The following FSD1L variants were observed in gnomAD, a reference collection of about 807,000 sequenced individuals.
The protein encoded by FSD1L is FSD1-like protein.
A neutral mutation model predicts 71.6 loss-of-function variants in FSD1L; 45 were observed. That is an observed-to-expected ratio of 0.63 (90% CI 0.49 to 0.81). The LOEUF (loss-of-function observed/expected upper bound fraction) is 0.81. FSD1L is among the 30% of genes least tolerant of loss of function. The probability of loss-of-function intolerance (pLI) is 0.00; values close to 1 mark genes in which losing one functional copy is unlikely to be tolerated. For synonymous variants in FSD1L, 197 were observed against 207.2 expected, an observed-to-expected ratio of 0.95 and a Z score of 0.42; for missense variants, 561 against 618.1, an observed-to-expected ratio of 0.91 and a Z score of 0.98.
chr9:105,501,684 A>G (rs916260168), intron 7 of FSD1L, among the ~76,000 whole-genome samples: 7 of 150,338 alleles, frequency 4.7e-5, no homozygotes, highest in Admixed American at 1.3e-4. Context: ...TCCTCTAGCC[A>G]TAGTCTCCCA....
chr9:105,443,654 G>A (rs960321247), upstream of FSD1L, among the ~76,000 whole-genome samples: 16 of 152,206 alleles, frequency 1.1e-4, no homozygotes, highest in South Asian at 4.2e-4. Flanking sequence ...AAACAAGACC[G>A]GGCATGGTGG....
intron 10 of FSD1L, among the ~76,000 whole-genome samples, chr9:105,519,001 A>G (rs1198010239): frequency 2.0e-5 from 3 of 152,350 alleles, no homozygotes; most frequent in South Asian, 2.1e-4. Context: ...ACAGAAATAC[A>G]AACTACCATC....
intron 10 of FSD1L, among the ~76,000 whole-genome samples, chr9:105,529,764 AT>A (rs1835774719): frequency 6.6e-6 from 1 of 152,116 alleles, no homozygotes; most frequent in South Asian, 2.1e-4. Context: ...AACTTTAAGT[AT>A]AATAATATTA....
At chr9:105,515,256 T>TCC (rs1473512341) in intron 10 of FSD1L, among the ~76,000 whole-genome samples, 1 of 152,160 alleles carries the variant, frequency 6.6e-6, no homozygotes, top group Non-Finnish European at 1.5e-5. Flanking sequence ...ATGGCACGGC[T>TCC]GTCTTCTTTC....
intron 10 of FSD1L, chr9:105,530,822 T>C (rs1217472962): frequency 6.4e-6 from 3 of 468,684 alleles, no homozygotes; most frequent in Non-Finnish European, 1.1e-5. Flanking sequence ...TTTAGTACTT[T>C]GGCTCAGGAA....
chr9:105,512,813 A>G lies in FSD1L; in HGVS notation c.902A>G (p.Asn301Ser). The G allele has an allele frequency of 6.7e-7, 1 of 1,490,146 alleles. No homozygotes were observed. The allele number at this position is 1,490,146 out of a possible 1,614,324, so 92.3% of individuals were successfully genotyped here. Residue 301 changes from asparagine (N) to serine (S), a missense_variant, in exon 10 of 14, where the codon AAC becomes AGC. Coordinates refer to ENST00000481272, the MANE Select transcript of FSD1L (RefSeq NM_001145313.3). ...DPVTLETKAL[N>S]FNLDNSSSHL... ...TAAATATTATCTTGAATAGCACTTA[A>G]CTTCAATTTGGATAACTCCTCATCC...
At chr9:105,446,182 T>A (rs1241234410), upstream of FSD1L, among the ~76,000 whole-genome samples, 1 of 152,190 alleles carries the variant, frequency 6.6e-6, no homozygotes, top group Non-Finnish European at 1.5e-5. Flanking sequence ...ATGCTGTTTC[T>A]CAAACACAGA....
At chr9:105,470,719 A>G (rs1193797671) in intron 4 of FSD1L, among the ~76,000 whole-genome samples, 1 of 152,154 alleles carries the variant, frequency 6.6e-6, no homozygotes, top group East Asian at 1.9e-4. Flanking sequence ...AAGTGTGTCC[A>G]TACTACCCAG....
chr9:105,541,442 T>A (rs1836608966), intron 13 of FSD1L, among the ~76,000 whole-genome samples: 1 of 152,068 alleles, frequency 6.6e-6, no homozygotes, highest in Non-Finnish European at 1.5e-5. Context: ...AATAGTAGAT[T>A]TACTTTTAAT....
Position 105,461,550 on chromosome 9 carries a change from G to C in FSD1L, c.46G>C (p.Val16Leu), listed in dbSNP as rs1830699120. ...YCFKENENVT[V>L]DKACFLISNI... ...CTTTAAGGAGAATGAAAACGTTACA[G>C]TTGATAAAGCCTGTTTTCTGATCTC... Residue 16 changes from valine to leucine, a missense_variant, in exon 2 of 14, where the codon GTT (valine) becomes CTT (leucine). Coordinates refer to ENST00000481272, the MANE Select transcript of FSD1L (RefSeq NM_001145313.3). 3 of 1,551,452 alleles carry C rather than the reference G, an allele frequency of 1.9e-6. No individual in the cohort carries two copies. The highest frequency in any genetic ancestry group is 2.6e-6 in the Non-Finnish European group (3 of 1,146,678).
chr9:105,484,579 G>T (rs1297494065), intron 7 of FSD1L, 77 bp downstream of exon 7: 5 of 937,696 alleles, frequency 5.3e-6, no homozygotes, highest in South Asian at 5.9e-5. Context: ...GTGAACATTG[G>T]TTTGTAAATA....
rs2131560511 is a variant in FSD1L at position 105,551,521 on chromosome 9, G to A, written c.*5038G>A. 6.6e-6 allele frequency: 1 copy of A among 152,288 alleles called. No individual in the cohort carries two copies. Among genetic ancestry groups the A allele is most frequent in the South Asian group, 2.1e-4 (1 of 4,828 alleles). 9.4% of individuals were successfully genotyped at this position (152,288 alleles called of 1,614,324 possible). On this transcript the variant is annotated 3_prime_UTR_variant, in exon 14 of 14. Coordinates refer to ENST00000481272, the MANE Select transcript of FSD1L (RefSeq NM_001145313.3). Reference sequence around the variant, plus strand: ...CAGCAAAGTGCTACGTAAATGTAAAGTGTTGTTTTTAGCTAATAATGGATT... The same window carrying A: ...CAGCAAAGTGCTACGTAAATGTAAAATGTTGTTTTTAGCTAATAATGGATT...
intron 10 of FSD1L, among the ~76,000 whole-genome samples, chr9:105,516,628 CAGAA>C (rs1479229929): frequency 1.3e-5 from 2 of 152,162 alleles, no homozygotes; most frequent in African/African-American, 4.8e-5. Context: ...AACTAACAAA[CAGAA>C]AGGAATAGCA....
At chr9:105,478,991 G>A (rs1289108456) in intron 5 of FSD1L, among the ~76,000 whole-genome samples, 1 of 152,188 alleles carries the variant, frequency 6.6e-6, no homozygotes, top group East Asian at 1.9e-4. Flanking sequence ...GAAGGAAGTT[G>A]TCCCATGAAG....
chr9:105,455,554 A>G (rs1830306606), intron 1 of FSD1L, among the ~76,000 whole-genome samples: 2 of 152,148 alleles, frequency 1.3e-5, no homozygotes, highest in Admixed American at 6.5e-5. Flanking sequence ...TGATTATTTC[A>G]TACAATCCCC....
chr9:105,484,344 T>G, intron 6 of FSD1L, 37 bp from the exon 7 acceptor site: 4 of 1,411,234 alleles, frequency 2.8e-6, no homozygotes, highest in Non-Finnish European at 3.7e-6. Context: ...TACTTCCTAT[T>G]TCTTTATTTT....
At chr9:105,442,914 T>C (rs184238291), upstream of FSD1L, among the ~76,000 whole-genome samples, 351 of 152,352 alleles carry the variant, frequency 2.3e-3, no homozygotes, top group Non-Finnish European at 3.9e-3. Context: ...GGTCTAATTA[T>C]ACCTATGGGA....
At chr9:105,479,329 T>G (rs746356850) in intron 5 of FSD1L, 25 bp from the exon 6 acceptor site, 34 of 1,550,180 alleles carry the variant, frequency 2.2e-5, no homozygotes, top group Non-Finnish European at 3.0e-5. Flanking sequence ...TTGCCTTCTT[T>G]CTCTTCTCCC....
chr9:105,448,033 C>T (rs1238727783), upstream of FSD1L: 4 of 646,588 alleles, frequency 6.2e-6, no homozygotes, highest in South Asian at 1.8e-5. Flanking sequence ...TGCGGGCCGC[C>T]CTTTCACCCT....
Sources: allele counts gnomAD v4.1 joint callset (sites outside exome capture counted in the v4.1 genomes callset), GRCh38; gene constraint gnomAD v4.1.1; transcripts MANE v1.5; gene names NCBI Gene and HGNC (gene_info 2026-07-23, HGNC 2026-07-21).